MXRA7: variants seen among roughly 807,000 people sequenced by gnomAD.
MXRA7 encodes matrix remodeling associated 7.
Under a neutral mutation model 17.4 loss-of-function variants are expected in MXRA7, and 18 were observed. The observed-to-expected ratio is 1.03, with a 90% CI of 0.71 to 1.53. MXRA7 has a LOEUF of 1.53. Among genes scored for constraint, MXRA7 ranks in the 40% most tolerant of loss-of-function variants. The pLI is 0.00. For synonymous variants in MXRA7, 70 were observed against 101.7 expected (o/e 0.69, Z 1.87); for missense variants, 141 against 209.3 (o/e 0.67, Z 2.01).
chr17:76,683,433 CGGACCG>C (rs1567977405), intron 3 of MXRA7, among the ~76,000 whole-genome samples: 1 of 152,236 alleles, frequency 6.6e-6, no homozygotes, highest in East Asian at 1.9e-4. Flanking sequence ...CTTGGGAGCA[CGGACCG>C]TTCTCAGAGT....
intron 2 of MXRA7, among the ~76,000 whole-genome samples, chr17:76,685,738 C>T (rs193105877): frequency 2.6e-5 from 4 of 152,370 alleles, no homozygotes; most frequent in East Asian, 1.9e-4. Context: ...CTGCAAAAAA[C>T]GGACAGATCT....
chr17:76,706,407 GAGGCCCACACTGCCATCACAA>G lies in MXRA7; in HGVS notation c.342+4177_342+4197del, dbSNP rs1567991093. Among the ~76,000 whole-genome samples the G allele has an allele frequency of 4.2e-4, 57 of 135,854 alleles. 1 individual carries two copies. The highest frequency in any genetic ancestry group is 1.7e-3 in the East Asian group (7 of 4,010). The allele number at this position is 135,854 out of a possible 152,430, so 89.1% of individuals were successfully genotyped here. A position where few individuals can be genotyped will look rare whatever the true frequency, so the allele number is the denominator to read the frequency against. On this transcript the variant is annotated intron_variant, in intron 1 of 3. Transcript: ENST00000449428. ...CACAGAGGCCCACGCTGCCGTCACA[GAGGCCCACACTGCCATCACAA>G]AGGACCACACTGCCATCAAAAAGGA... is the stretch of plus-strand genomic sequence containing the variant.
intron 1 of MXRA7, among the ~76,000 whole-genome samples, chr17:76,699,770 G>A (rs531250056): frequency 9.5e-4 from 144 of 152,234 alleles, no homozygotes; most frequent in African/African-American, 2.8e-3. Context: ...GGGTCCCCCA[G>A]GGTCATAGGA....
At chr17:76,695,377 T>TGTGTGC (rs778832311) in intron 1 of MXRA7, among the ~76,000 whole-genome samples, 53 of 151,638 alleles carry the variant, frequency 3.5e-4, no homozygotes, top group East Asian at 1.4e-3. Flanking sequence ...TGTGTGTGTG[T>TGTGTGC]GCAACGGGAT....
intron 1 of MXRA7, among the ~76,000 whole-genome samples, chr17:76,692,476 C>T (rs1034801019): frequency 2.0e-5 from 3 of 152,002 alleles, no homozygotes; most frequent in African/African-American, 7.2e-5. Flanking sequence ...TGGTCTCGAA[C>T]TCCCGACCTC....
chr17:76,682,797 T>C (rs1364954424), intron 3 of MXRA7, among the ~76,000 whole-genome samples: 1 of 151,988 alleles, frequency 6.6e-6, no homozygotes, highest in African/African-American at 2.4e-5. Context: ...GGCCCCTCCT[T>C]CTCAATTCAG....
chr17:76,684,008 C>T (rs2076350133), intron 3 of MXRA7: 1 of 1,085,276 alleles, frequency 9.2e-7, no homozygotes, highest in Non-Finnish European at 1.4e-6. Context: ...CCTGCCAGGG[C>T]TCTTCCTCCT....
exon 4 of MXRA7, chr17:76,672,566 C>T (rs941001410): frequency 2.6e-5 from 4 of 152,144 alleles, no homozygotes; most frequent in Admixed American, 6.5e-5. Context: ...ACAGCATACG[C>T]GCAAGGTTTT....
chr17:76,690,529 T>A lies in MXRA7; in HGVS notation c.343-2353A>T, dbSNP rs2143633060. On this transcript the variant is annotated intron_variant, in intron 1 of 3. Transcript: ENST00000449428. Reference sequence around the variant, plus strand: ...GTTCAAGACCAGCCTGGCAACATAGTGCACACCTCGCCTCTACTGAAAATT... The same window carrying A: ...GTTCAAGACCAGCCTGGCAACATAGAGCACACCTCGCCTCTACTGAAAATT... Among the ~76,000 whole-genome samples the A allele has an allele frequency of 1.3e-5, 2 of 152,064 alleles. 1 individual carries two copies. The highest frequency in any genetic ancestry group is 4.8e-5 in the African/African-American group (2 of 41,488).
exon 4 of MXRA7, chr17:76,673,693 TA>T (rs3214289): frequency 0.69 from 103,029 of 149,234 alleles, 37,067 homozygotes; most frequent in Non-Finnish European, 0.82. Context: ...ATTTTCAAAT[TA>T]AAAAAAAAAA....
rs563439277 is a variant in MXRA7 at position 76,691,420 on chromosome 17, C to T, written c.343-3244G>A. On this transcript the variant is annotated intron_variant, in intron 1 of 3. Coordinates refer to ENST00000449428, the MANE Select transcript of MXRA7 (RefSeq NM_198530.4). ...CTCCGTAAGACGCTGTAGCAAATTA[C>T]TCAACTTGAGGAGGGGTTCATGGAA... 2.0e-5 allele frequency among the ~76,000 whole-genome samples: 3 copies of T among 152,296 alleles called. No homozygotes were observed. In the South Asian group the frequency reaches 6.2e-4, roughly 32 times the overall value.
At chr17:76,679,532 G>C (rs2076271125), downstream of MXRA7, 1 of 921,398 alleles carries the variant, frequency 1.1e-6, no homozygotes. Context: ...AAGGGATTTT[G>C]TTTTAAAACA....
chr17:76,680,086 A>ACTAAT lies in MXRA7; in HGVS notation c.*776_*780dup, dbSNP rs2076280755. The ACTAAT allele has an allele frequency of 1.0e-6, 1 of 969,742 alleles. No individual in the cohort carries two copies. 60.1% of individuals were successfully genotyped at this position (969,742 alleles called of 1,614,324 possible). ...ACTGATCTGATGATCTGAAGTTCTAACTAATCTATCAAACTTTCTAAGAAA... is the reference window on the plus strand; with the variant it reads ...ACTGATCTGATGATCTGAAGTTCTAACTAATCTAATCTATCAAACTTTCTAAGAAA... On this transcript the variant is annotated 3_prime_UTR_variant, in exon 4 of 4. Coordinates refer to ENST00000449428, the MANE Select transcript of MXRA7 (RefSeq NM_198530.4).
chr17:76,684,950 C>T (rs1482175433), intron 3 of MXRA7, 122 bp downstream of exon 3: 7 of 782,316 alleles, frequency 8.9e-6, no homozygotes, highest in Admixed American at 4.2e-5. Context: ...TTGGGCAGAG[C>T]GTGTAGGAGC....
At position 76,706,143 on chromosome 17, in the gene MXRA7, A is replaced by G. The variant is rs111971336; in HGVS notation, c.342+4462T>C. 9.4e-3 allele frequency among the ~76,000 whole-genome samples: 511 copies of G among 54,196 alleles called. 14 individuals carry two copies. The highest frequency in any genetic ancestry group is 0.045 in the Admixed American group (242 of 5,362). The allele number at this position is 54,196 out of a possible 152,430, so 35.6% of individuals were successfully genotyped here. On this transcript the variant is annotated intron_variant, in intron 1 of 3. Transcript: ENST00000449428. Reference sequence around the variant, plus strand: ...CCACGCTGCCATCACAAAGGACCACACTGCCGTCACAGAGGCCCACGCTGC... The same window carrying G: ...CCACGCTGCCATCACAAAGGACCACGCTGCCGTCACAGAGGCCCACGCTGC...
chr17:76,691,930 G>A (rs1279038401), intron 1 of MXRA7, among the ~76,000 whole-genome samples: 1 of 152,180 alleles, frequency 6.6e-6, no homozygotes, highest in African/African-American at 2.4e-5. Flanking sequence ...GGTCCAGTAG[G>A]AAAGACAAAC....
At chr17:76,686,740 G>T (rs2095168664) in intron 2 of MXRA7, among the ~76,000 whole-genome samples, 1 of 152,184 alleles carries the variant, frequency 6.6e-6, no homozygotes, top group African/African-American at 2.4e-5. Context: ...GTCGCTCAGG[G>T]AAGTCATTTT....
chr17:76,688,009 T>TCC, intron 2 of MXRA7, 104 bp downstream of exon 2: 15 of 572,762 alleles, frequency 2.6e-5, no homozygotes, highest in Non-Finnish European at 3.6e-5. Flanking sequence ...TCCCACCCCA[T>TCC]CCCTCCCCTC....
At chr17:76,702,895 AGGAGGCCTCACC>A (rs2076611810) in intron 1 of MXRA7, among the ~76,000 whole-genome samples, 1 of 77,528 alleles carries the variant, frequency 1.3e-5, no homozygotes, top group African/African-American at 3.5e-5. Flanking sequence ...ATATATCTTG[AGGAGGCCTCACC>A]ATAGGAAGAA....
Sources: allele counts gnomAD v4.1 joint callset (sites outside exome capture counted in the v4.1 genomes callset), GRCh38; gene constraint gnomAD v4.1.1; transcripts MANE v1.5; gene names NCBI Gene and HGNC (gene_info 2026-07-23, HGNC 2026-07-21).